TTC5: variants seen among roughly 807,000 people sequenced by gnomAD.
TTC5 encodes the protein tetratricopeptide repeat domain 5.
In TTC5, 46 loss-of-function variants were observed where a neutral mutation model predicts 57.4. The observed-to-expected ratio is 0.80, with a 90% CI of 0.63 to 1.03. The LOEUF is 1.03. Among genes scored for constraint, TTC5 ranks in the 50% least tolerant of loss-of-function variants. The probability of loss-of-function intolerance (pLI) is 0.00; values close to 1 mark genes in which losing one functional copy is unlikely to be tolerated. For synonymous variants in TTC5, 190 were observed against 203.5 expected, an observed-to-expected ratio of 0.93 and a Z score of 0.57; for missense variants, 504 against 528.1, an observed-to-expected ratio of 0.95 and a Z score of 0.45.
At position 20,287,317 on chromosome 14, in the gene TTC5, G is replaced by A. The variant is rs191714266; in HGVS notation, c.*2310C>T. 5 of 152,270 alleles carry A rather than the reference G, an allele frequency of 3.3e-5. No individual in the cohort carries two copies. Among genetic ancestry groups the A allele is most frequent in the Admixed American group, 2.0e-4 (3 of 15,292 alleles). 9.4% of individuals were successfully genotyped at this position (152,270 alleles called of 1,614,324 possible). On this transcript the variant is annotated 3_prime_UTR_variant, in exon 10 of 10. Coordinates refer to ENST00000258821, the MANE Select transcript of TTC5 (RefSeq NM_138376.3). ...AGGGATGCTGATGCTGCTGGTCTGG[G>A]AACCACTCTTCAAGAGCCATTGCTG...
rs992955068 is a variant in TTC5 at position 20,299,232 on chromosome 14, C to T, written c.547+66G>A. 1.9e-6 allele frequency: 3 copies of T among 1,557,334 alleles called. No individual in the cohort carries two copies. In the African/African-American group the frequency reaches 4.1e-5, roughly 21 times the overall value. ...AGAATCACACTCAAAAGAGGGACTG[C>T]AAATGTTGCTCTGATTGAAAACATC... On this transcript the variant is annotated intron_variant, in intron 4 of 9. Transcript: ENST00000258821.
At chr14:20,295,909 G>C in intron 6 of TTC5, 55 bp from the exon 7 acceptor site, 1 of 1,473,840 alleles carries the variant, frequency 6.8e-7, no homozygotes, top group East Asian at 2.4e-5. Context: ...TATCCCGAGG[G>C]AATGGCACCA....
Position 20,286,844 on chromosome 14 carries a change from G to A in TTC5, c.*2783C>T, listed in dbSNP as rs765292187. 5.9e-5 allele frequency: 9 copies of A among 151,880 alleles called. No homozygotes were observed. The highest frequency in any genetic ancestry group is 2.1e-4 in the South Asian group (1 of 4,804). 9.4% of individuals were successfully genotyped at this position (151,880 alleles called of 1,614,324 possible). A position where few individuals can be genotyped will look rare whatever the true frequency, so the allele number is the denominator to read the frequency against. ...CCAATACAGCAGTGTGCAAAGACTCGAATAGGCATTTTACCGAGAGAAAAT... is the reference window on the plus strand; with the variant it reads ...CCAATACAGCAGTGTGCAAAGACTCAAATAGGCATTTTACCGAGAGAAAAT... On this transcript the variant is annotated 3_prime_UTR_variant, in exon 10 of 10. Transcript: ENST00000258821.
At chr14:20,299,574 G>C (rs1173691565) in intron 3 of TTC5, 126 bp from the exon 4 acceptor site, 2 of 1,085,020 alleles carry the variant, frequency 1.8e-6, no homozygotes, top group East Asian at 2.5e-5. Context: ...TTTTGTTTGA[G>C]GTGGAGTCTT....
rs1881963984 is a variant in TTC5 at position 20,292,013 on chromosome 14, C to T, written c.1173G>A (p.Leu391=). 6.3e-7 allele frequency: 1 copy of T among 1,590,398 alleles called. No homozygotes were observed. Among genetic ancestry groups the T allele is most frequent in the Non-Finnish European group, 8.6e-7 (1 of 1,168,600 alleles). The part of the protein sequence containing the change: ...GDSVAIPEPN[L]RLHRIQHKGK... ...CTTTGTGCTGAATTCGGTGAAGCCG[C>T]AGGTTGGGCTCAGGAATGGCTACAG... Residue 391 remains leucine, a synonymous_variant, in exon 9 of 10, where the codon CTG becomes CTA. Transcript: ENST00000258821.
chr14:20,302,048 G>A, intron 1 of TTC5, 83 bp from the exon 2 acceptor site: 2 of 1,477,752 alleles, frequency 1.4e-6, no homozygotes, highest in South Asian at 2.4e-5. Context: ...ACCAGCTCTT[G>A]GTCTAGAAAT....
chr14:20,305,575 C>G (rs998924615), intron 1 of TTC5: 1 of 426,432 alleles, frequency 2.3e-6, no homozygotes, highest in Non-Finnish European at 4.2e-6. Context: ...ATCTGCCACA[C>G]ACATGTATAT....
chr14:20,301,681 T>A (rs1206554114), intron 2 of TTC5, 152 bp downstream of exon 2: 4 of 940,582 alleles, frequency 4.3e-6, no homozygotes, highest in Non-Finnish European at 6.1e-6. Context: ...GCTTAGGGAA[T>A]GAAAGGTTGC....
intron 8 of TTC5, 22 bp downstream of exon 8, chr14:20,295,290 G>A (rs767854794): frequency 2.5e-6 from 4 of 1,610,866 alleles, no homozygotes; most frequent in Middle Eastern, 1.6e-4. Flanking sequence ...GGTAAAATGG[G>A]GGAAATCCAA....
chr14:20,305,772 C>T, intron 1 of TTC5, 115 bp downstream of exon 1: 1 of 1,121,572 alleles, frequency 8.9e-7, no homozygotes. Context: ...AGTAACCACA[C>T]AGACGCACGC....
rs1005216384 is a variant in TTC5, at chr14:20,298,966, A to G, written c.548-78T>C. The G allele has an allele frequency of 5.1e-6, 6 of 1,183,944 alleles. No individual in the cohort carries two copies. The African/African-American group carries it at 7.5e-5, about 15-fold the overall frequency. The allele number at this position is 1,183,944 out of a possible 1,614,324, so 73.3% of individuals were successfully genotyped here. A position where few individuals can be genotyped will look rare whatever the true frequency, so the allele number is the denominator to read the frequency against. ...ACTTATTTTGATCATTCTTGAAAGT[A>G]TATTTGAAAGGTCCCACAAGAAATC... On this transcript the variant is annotated intron_variant, in intron 4 of 9. Transcript: ENST00000258821.
intron 5 of TTC5, among the ~76,000 whole-genome samples, chr14:20,296,816 C>G (rs1412532911): frequency 1.3e-5 from 2 of 152,110 alleles, no homozygotes; most frequent in African/African-American, 4.8e-5. Context: ...AGCTCAAGAC[C>G]AGACTGGCCA....
In TTC5 at chr14:20,296,428, CT is replaced by C; in HGVS notation, c.657del (p.Ala220LeufsTer9). 1 of 1,612,624 alleles carries C rather than the reference CT, an allele frequency of 6.2e-7. No homozygotes were observed. The highest frequency in any genetic ancestry group is 8.5e-7 in the Non-Finnish European group (1 of 1,178,588). ...AGATGAAGGTCAGGATTGCTAGAAGCTTTTCTGTCAACTTTCTCCTATAATG... is the reference window on the plus strand; with the variant it reads ...AGATGAAGGTCAGGATTGCTAGAAGCTTTCTGTCAACTTTCTCCTATAATG... ...AYAQAEKVDRKASSNPDLHLN... is the reference protein window; with the variant it reads ...AYAQAEKVDRXASSNPDLHLN... On this transcript the variant is annotated frameshift_variant, in exon 6 of 10. Coordinates refer to ENST00000258821, the MANE Select transcript of TTC5 (RefSeq NM_138376.3). LOFTEE classifies it high-confidence loss of function.
chr14:20,300,143 G>GTATATATATATATATATATATATA lies in TTC5; in HGVS notation c.396+463_396+464insTATATATATATATATATATATATA, dbSNP rs1555311668. On this transcript the variant is annotated intron_variant, in intron 3 of 9. Coordinates refer to ENST00000258821, the MANE Select transcript of TTC5 (RefSeq NM_138376.3). Reference sequence around the variant, plus strand: ...GCATGAGTCACCACGTCTGGTCCATGTATATATATATATTTTTTTTTTTTT... The same window carrying GTATATATATATATATATATATATA: ...GCATGAGTCACCACGTCTGGTCCATGTATATATATATATATATATATATATATATATATATATTTTTTTTTTTTT... Among the ~76,000 whole-genome samples, 30 of 27,168 alleles carry GTATATATATATATATATATATATA rather than the reference G, an allele frequency of 1.1e-3. 1 individual carries two copies. Among genetic ancestry groups the GTATATATATATATATATATATATA allele is most frequent in the African/African-American group, 2.9e-3 (27 of 9,212 alleles). 17.8% of individuals were successfully genotyped at this position (27,168 alleles called of 152,430 possible). A position where few individuals can be genotyped will look rare whatever the true frequency, so the allele number is the denominator to read the frequency against.
At chr14:20,305,725 C>A (rs774278371) in intron 1 of TTC5, 162 bp downstream of exon 1, 1 of 695,992 alleles carries the variant, frequency 1.4e-6, no homozygotes, top group Non-Finnish European at 2.5e-6. Context: ...AACGAGGCTC[C>A]CTGGCTGGCT....
intron 1 of TTC5, 97 bp downstream of exon 1, chr14:20,305,790 C>T (rs1175714934): frequency 4.1e-6 from 5 of 1,230,204 alleles, no homozygotes; most frequent in Admixed American, 3.4e-5. Context: ...CGCAGCTTCG[C>T]GTGTGTGCCG....
At position 20,299,333 on chromosome 14, in the gene TTC5, G is replaced by A. The variant is rs1882133153; in HGVS notation, c.512C>T (p.Ala171Val). The A allele has an allele frequency of 1.2e-6, 2 of 1,614,084 alleles. No individual in the cohort carries two copies. The change falls in exon 4 of 10, where the codon GCT becomes GTT. Residue 171 changes from alanine (A) to valine (V), a missense_variant. Physicochemically the swap from Ala to Val is moderately conservative, Grantham distance 64. Transcript: ENST00000258821. ...VMDSVRQAKL[A>V]VQMDVHDGRS... ...GCCATCATGGACATCCATCTGAACA[G>A]CCAACTTAGCCTGTCGGACACTGTC... is the stretch of plus-strand genomic sequence containing the variant.
intron 6 of TTC5, among the ~76,000 whole-genome samples, chr14:20,296,141 A>G (rs1882057666): frequency 6.6e-6 from 1 of 152,324 alleles, no homozygotes; most frequent in South Asian, 2.1e-4. Flanking sequence ...TTAACATTTC[A>G]GAAGTCTTCT....
chr14:20,290,739 CCTCA>C (rs767686490), intron 9 of TTC5, among the ~76,000 whole-genome samples: 1 of 152,130 alleles, frequency 6.6e-6, no homozygotes, highest in Non-Finnish European at 1.5e-5. Flanking sequence ...ATACAAAAAT[CCTCA>C]CTGTGTTTCT....
Sources: gnomAD v4.1 joint callset for allele counts (sites outside exome capture counted in the v4.1 genomes callset) on GRCh38, gnomAD v4.1.1 for gene constraint, MANE v1.5 for transcripts, NCBI Gene and HGNC (gene_info 2026-07-23, HGNC 2026-07-21) for gene names.